SATL1: variants seen among roughly 807,000 people sequenced by gnomAD.
SATL1 encodes spermidine/spermine N(1)-acetyltransferase-like protein 1.
SATL1 carries 47 observed loss-of-function variants against 51.8 expected under a neutral mutation model. The ratio of observed to expected loss-of-function variants is 0.91; its 90% CI spans 0.72 to 1.16. SATL1 has a LOEUF of 1.16. Ranked by LOEUF, SATL1 falls within the 50% of genes most tolerant of loss-of-function variation. SATL1 has a pLI of 0.00. For missense variants in SATL1, 520 were observed against 526.4 expected, an observed-to-expected ratio of 0.99 and a Z score of 0.12; for synonymous variants, 176 against 182.4, an observed-to-expected ratio of 0.97 and a Z score of 0.28.
At chrX:85,149,104 T>C (rs766930103) in intron 2 of SATL1, among the ~76,000 whole-genome samples, 1 of 110,684 alleles carries the variant, frequency 9.0e-6, no homozygotes, top group Non-Finnish European at 1.9e-5. Flanking sequence ...AGGCTCAAAA[T>C]AAAAGGATGG....
At position 85,104,664 on chromosome X, in the gene SATL1, C is replaced by T. The variant is rs138310524; in HGVS notation, c.1642-749G>A. On this transcript the variant is annotated intron_variant, in intron 3 of 7. Coordinates refer to ENST00000644105, the MANE Select transcript of SATL1 (RefSeq NM_001367857.2). ...TAGTTTCAGGACCTGCTCCCTCAGC[C>T]CCAGGATACCAAAATCTGAGAGTGT... Among the ~76,000 whole-genome samples, 407 of 110,532 alleles carry T rather than the reference C, an allele frequency of 3.7e-3. 2 individuals are homozygous for T. Among genetic ancestry groups the T allele is most frequent in the African/African-American group, 0.012 (379 of 30,521 alleles).
intron 5 of SATL1, among the ~76,000 whole-genome samples, chrX:85,094,454 A>G (rs1386858312): frequency 1.8e-5 from 2 of 112,024 alleles, no homozygotes; most frequent in Admixed American, 1.9e-4. Flanking sequence ...GATCTTCCAA[A>G]AAATTTTAGC....
intron 2 of SATL1, among the ~76,000 whole-genome samples, chrX:85,167,092 C>A (rs1399222423): frequency 9.2e-6 from 1 of 108,599 alleles, no homozygotes. Context: ...ATGGCATTCT[C>A]AGCTACCTGG....
chrX:85,122,462 A>G (rs1056287877), intron 2 of SATL1, among the ~76,000 whole-genome samples: 1 of 111,113 alleles, frequency 9.0e-6, no homozygotes, highest in South Asian at 3.8e-4. Flanking sequence ...ATTCTGTCAT[A>G]CTACTTATCA....
intron 4 of SATL1, among the ~76,000 whole-genome samples, chrX:85,099,286 G>A (rs1250986225): frequency 9.0e-6 from 1 of 111,154 alleles, no homozygotes; most frequent in East Asian, 2.8e-4. Flanking sequence ...AAAAAAGGAA[G>A]GAACCAAATG....
intron 2 of SATL1, among the ~76,000 whole-genome samples, chrX:85,147,341 C>G (rs1411755306): frequency 1.8e-5 from 2 of 112,369 alleles, no homozygotes; most frequent in African/African-American, 3.2e-5. Flanking sequence ...GTGGAGCCCA[C>G]CACAGCTCAA....
chrX:85,151,640 C>G (rs1312479406), intron 2 of SATL1, among the ~76,000 whole-genome samples: 1 of 110,978 alleles, frequency 9.0e-6, no homozygotes, highest in African/African-American at 3.3e-5. Flanking sequence ...TGGAACAGAA[C>G]AGAGCCCTCA....
At chrX:85,096,663 T>C (rs1432604096) in intron 4 of SATL1, among the ~76,000 whole-genome samples, 3 of 110,932 alleles carry the variant, frequency 2.7e-5, no homozygotes, top group Non-Finnish European at 3.8e-5. Flanking sequence ...ATTTGTCATA[T>C]ATGAGGGATC....
At chrX:85,130,663 C>T (rs1415097496) in intron 2 of SATL1, among the ~76,000 whole-genome samples, 2 of 111,187 alleles carry the variant, frequency 1.8e-5, no homozygotes, top group East Asian at 5.6e-4. Context: ...CTGCTCTGAT[C>T]TTAGTTATTT....
chrX:85,236,344 CA>C (rs1426247771), intron 1 of SATL1, among the ~76,000 whole-genome samples: 1 of 110,921 alleles, frequency 9.0e-6, no homozygotes, highest in African/African-American at 3.3e-5. Flanking sequence ...TCTATGAAAC[CA>C]GTATTACCAT....
intron 2 of SATL1, among the ~76,000 whole-genome samples, chrX:85,132,645 A>T (rs1304629041): frequency 9.0e-6 from 1 of 111,695 alleles, no homozygotes; most frequent in Non-Finnish European, 1.9e-5. Flanking sequence ...TCTGAAGCCT[A>T]CTTCTGTCAA....
At chrX:85,140,656 C>A (rs1926087625) in intron 2 of SATL1, among the ~76,000 whole-genome samples, 1 of 112,012 alleles carries the variant, frequency 8.9e-6, no homozygotes, top group African/African-American at 3.2e-5. Flanking sequence ...CTTATACAAT[C>A]AATTCAAAAT....
chrX:85,150,903 C>A (rs972926112), intron 2 of SATL1, among the ~76,000 whole-genome samples: 17 of 110,421 alleles, frequency 1.5e-4, no homozygotes, highest in African/African-American at 4.3e-4. Flanking sequence ...TGAAAACTGG[C>A]ACAAGACAGG....
At chrX:85,150,241 T>TA (rs1926388919) in intron 2 of SATL1, among the ~76,000 whole-genome samples, 2 of 111,588 alleles carry the variant, frequency 1.8e-5, no homozygotes, top group South Asian at 7.5e-4. Context: ...CCTCGACACA[T>TA]ACACTCTCCC....
chrX:85,159,743 CT>C (rs1207001278), intron 2 of SATL1, among the ~76,000 whole-genome samples: 1 of 111,356 alleles, frequency 9.0e-6, no homozygotes, highest in African/African-American at 3.3e-5. Flanking sequence ...GAGGGTCCCC[CT>C]GACCAAGCCA....
chrX:85,095,377 A>G (rs1205158863), intron 4 of SATL1, among the ~76,000 whole-genome samples: 1 of 111,762 alleles, frequency 8.9e-6, no homozygotes, highest in Non-Finnish European at 1.9e-5. Flanking sequence ...TACTCTGATC[A>G]CTGAGGTGAC....
chrX:85,119,769 TAAG>T (rs1192857282), intron 2 of SATL1, among the ~76,000 whole-genome samples: 1 of 111,288 alleles, frequency 9.0e-6, no homozygotes, highest in East Asian at 2.8e-4. Context: ...TCAAATACTT[TAAG>T]GAGAATCAGA....
At chrX:85,135,001 A>G (rs112329071) in intron 2 of SATL1, among the ~76,000 whole-genome samples, 16,287 of 111,668 alleles carry the variant, frequency 0.15, 1,267 homozygotes, top group African/African-American at 0.29. Context: ...GCCACAAAAA[A>G]GAACAAGATC....
At chrX:85,226,417 G>A (rs142481886) in intron 1 of SATL1, among the ~76,000 whole-genome samples, 214 of 110,760 alleles carry the variant, frequency 1.9e-3, no homozygotes, top group African/African-American at 6.8e-3. Context: ...TTCCTTAAAC[G>A]CCCCCTAGCT....
Sources: allele counts gnomAD v4.1 joint callset (sites outside exome capture counted in the v4.1 genomes callset), GRCh38; gene constraint gnomAD v4.1.1; transcripts MANE v1.5; gene names NCBI Gene and HGNC (gene_info 2026-07-23, HGNC 2026-07-21).